KHDRBS2: variants seen among roughly 807,000 people sequenced by gnomAD.
KHDRBS2 encodes KH domain-containing, RNA-binding, signal transduction-associated protein 2.
In KHDRBS2, 26 loss-of-function variants were observed where a neutral mutation model predicts 44.3. That is an observed-to-expected ratio of 0.59 (90% confidence interval 0.43 to 0.81). The LOEUF is 0.81. Ranked by LOEUF, KHDRBS2 falls within the 40% of genes least tolerant of loss-of-function variation. The probability of loss-of-function intolerance (pLI) is 0.00; values close to 1 mark genes in which losing one functional copy is unlikely to be tolerated. For missense variants in KHDRBS2, 476 were observed against 433.1 expected, an observed-to-expected ratio of 1.10 and a Z score of -0.88; for synonymous variants, 194 against 151.1, an observed-to-expected ratio of 1.28 and a Z score of -2.08.
chr6:61,601,826 C>T, the KHDRBS2 span, among the ~76,000 whole-genome samples: 2 of 152,256 alleles, frequency 1.3e-5, no homozygotes, highest in Admixed American at 6.5e-5. Context: ...ACCTCCCCTA[C>T]TCACACCTGG....
intron 2 of KHDRBS2, among the ~76,000 whole-genome samples, chr6:62,112,466 A>G (rs924863234): frequency 6.6e-6 from 1 of 152,132 alleles, no homozygotes; most frequent in African/African-American, 2.4e-5. Context: ...TTTTGGCATA[A>G]AACATTCAGG....
At chr6:61,553,798 A>AT in the KHDRBS2 span, among the ~76,000 whole-genome samples, 1 of 152,120 alleles carries the variant, frequency 6.6e-6, no homozygotes, top group Non-Finnish European at 1.5e-5. Context: ...TTTCTGTGTA[A>AT]TTATAGGTTT....
At chr6:61,701,826 G>C (rs972927857) in intron 7 of KHDRBS2, among the ~76,000 whole-genome samples, 2 of 151,968 alleles carry the variant, frequency 1.3e-5, no homozygotes, top group Non-Finnish European at 2.9e-5. Flanking sequence ...TTCTATTGCA[G>C]TTATTCTGTT....
chr6:62,144,458 A>G (rs1813509252), intron 2 of KHDRBS2, among the ~76,000 whole-genome samples: 1 of 151,892 alleles, frequency 6.6e-6, no homozygotes, highest in African/African-American at 2.4e-5. Flanking sequence ...TTCCTCAACA[A>G]ACATTGACAG....
At chr6:61,983,283 C>G (rs1384091548) in intron 3 of KHDRBS2, among the ~76,000 whole-genome samples, 1 of 127,036 alleles carries the variant, frequency 7.9e-6, no homozygotes. Flanking sequence ...CACTATGTTG[C>G]CCAGGCTGGT....
chr6:61,957,512 G>GT (rs1767657300), intron 4 of KHDRBS2, among the ~76,000 whole-genome samples: 1 of 151,974 alleles, frequency 6.6e-6, no homozygotes, highest in African/African-American at 2.4e-5. Context: ...TGCTTTGGGG[G>GT]TGGCTGTCTT....
At chr6:62,136,106 G>T (rs1297631387) in intron 2 of KHDRBS2, among the ~76,000 whole-genome samples, 2 of 151,110 alleles carry the variant, frequency 1.3e-5, no homozygotes, top group East Asian at 3.9e-4. Flanking sequence ...ATGATAGATA[G>T]TGAGATGATA....
At chr6:62,234,038 TA>T (rs574856208) in intron 1 of KHDRBS2, among the ~76,000 whole-genome samples, 20 of 148,352 alleles carry the variant, frequency 1.3e-4, no homozygotes, top group East Asian at 5.9e-4. Flanking sequence ...TATTTCTGTT[TA>T]AAAAAAAAAC....
the KHDRBS2 span, among the ~76,000 whole-genome samples, chr6:61,658,873 C>G: frequency 3.1e-5 from 3 of 96,774 alleles, no homozygotes; most frequent in African/African-American, 1.2e-4. Flanking sequence ...TTACTCTGCA[C>G]TAGTAAAAAT....
intron 2 of KHDRBS2, among the ~76,000 whole-genome samples, chr6:62,116,631 A>C (rs1362698675): frequency 2.0e-5 from 3 of 152,138 alleles, no homozygotes; most frequent in Non-Finnish European, 4.4e-5. Flanking sequence ...CTTATGTTTT[A>C]GTTATTTTGA....
chr6:61,869,187 T>C (rs1019899621), intron 6 of KHDRBS2, among the ~76,000 whole-genome samples: 1 of 152,148 alleles, frequency 6.6e-6, no homozygotes, highest in Admixed American at 6.5e-5. Flanking sequence ...TCAGTGTGAG[T>C]ATCTGGGCAT....
intron 4 of KHDRBS2, among the ~76,000 whole-genome samples, chr6:61,963,212 T>A (rs1278582781): frequency 2.0e-5 from 3 of 152,062 alleles, no homozygotes; most frequent in African/African-American, 7.2e-5. Flanking sequence ...AACTCCTGGT[T>A]TAATGTAATT....
At chr6:61,667,884 ATTAC>A in the KHDRBS2 span, among the ~76,000 whole-genome samples, 1 of 151,238 alleles carries the variant, frequency 6.6e-6, no homozygotes, top group South Asian at 2.1e-4. Flanking sequence ...TCATTTGAAT[ATTAC>A]TTAAAATATT....
At chr6:62,016,701 C>A (rs1359243762) in intron 3 of KHDRBS2, among the ~76,000 whole-genome samples, 1 of 151,078 alleles carries the variant, frequency 6.6e-6, no homozygotes, top group East Asian at 1.9e-4. Context: ...TATTTAAGAT[C>A]TGGTACAGAT....
chr6:62,188,872 G>C (rs142237848), intron 1 of KHDRBS2, among the ~76,000 whole-genome samples: 2 of 152,156 alleles, frequency 1.3e-5, no homozygotes, highest in African/African-American at 2.4e-5. Flanking sequence ...CTAGCACTTT[G>C]AGAGGCAGAG....
chr6:61,552,133 C>T, the KHDRBS2 span, among the ~76,000 whole-genome samples: 2 of 151,724 alleles, frequency 1.3e-5, no homozygotes, highest in Admixed American at 6.6e-5. Flanking sequence ...ATATTGATTC[C>T]TCCTGTACAT....
At chr6:61,917,007 A>C (rs778285807) in intron 4 of KHDRBS2, among the ~76,000 whole-genome samples, 2 of 145,164 alleles carry the variant, frequency 1.4e-5, no homozygotes, top group Non-Finnish European at 3.0e-5. Context: ...GGGATTCAAA[A>C]TGATATTGAA....
intron 6 of KHDRBS2, among the ~76,000 whole-genome samples, chr6:61,886,474 A>G (rs1583332071): frequency 1.3e-5 from 2 of 151,850 alleles, no homozygotes; most frequent in African/African-American, 2.4e-5. Context: ...TAAAACAGCC[A>G]TATAGCCATC....
At chr6:61,997,767 C>T (rs1777471678) in intron 3 of KHDRBS2, among the ~76,000 whole-genome samples, 1 of 152,182 alleles carries the variant, frequency 6.6e-6, no homozygotes, top group South Asian at 2.1e-4. Context: ...TCCCTACTAA[C>T]TCCCAGCCCA....
Sources: gnomAD v4.1 joint callset for allele counts (sites outside exome capture counted in the v4.1 genomes callset) on GRCh38, gnomAD v4.1.1 for gene constraint, MANE v1.5 for transcripts, NCBI Gene and HGNC (gene_info 2026-07-23, HGNC 2026-07-21) for gene names.